Variants in PEX7 observed in about 807,000 individuals in gnomAD.
PEX7 encodes peroxisomal biogenesis factor 7, also known as PTS2 receptor.
A neutral mutation model predicts 47.5 loss-of-function variants in PEX7; 34 were observed. The observed-to-expected ratio is 0.72, with a 90% CI of 0.54 to 0.95. The LOEUF (loss-of-function observed/expected upper bound fraction) is 0.95. Ranked by LOEUF, PEX7 falls within the 40% of genes least tolerant of loss-of-function variation. The pLI, the probability that PEX7 is intolerant of heterozygous loss-of-function variation, is 0.00. For synonymous variants in PEX7, 141 were observed against 148.8 expected (o/e 0.95, Z 0.38); for missense variants, 394 against 400.3 (o/e 0.98, Z 0.13).
rs1362218138 is a variant in PEX7 at position 136,872,184 on chromosome 6, T to A, written c.748-14T>A. On this transcript the variant is annotated splice_polypyrimidine_tract_variant and intron_variant, in intron 7 of 9. Transcript: ENST00000318471. ...ACTTCAAAAAGGGTTTTTTTTTTCT[T>A]TTTTTTTTTGTAGTTTTCACCATTT... The A allele has an allele frequency of 1.3e-6, 2 of 1,570,000 alleles. No homozygotes were observed. Among genetic ancestry groups the A allele is most frequent in the Non-Finnish European group, 8.7e-7 (1 of 1,152,138 alleles).
intron 5 of PEX7, chr6:136,855,641 A>G (rs1774848335): frequency 3.7e-6 from 1 of 273,552 alleles, no homozygotes; most frequent in South Asian, 3.6e-5. Flanking sequence ...TGCCCGGCCT[A>G]TTTAAGGTTC....
intron 2 of PEX7, 24 bp from the exon 3 acceptor site, chr6:136,826,292 TTTG>T (rs1562725896): frequency 1.2e-6 from 2 of 1,613,154 alleles, no homozygotes; most frequent in South Asian, 2.2e-5. Context: ...GTTGTATTTT[TTTG>T]TTGTTTGTTT....
rs796283667 is a variant in PEX7 at position 136,874,163 on chromosome 6, C to G, written c.803+1910C>G. Among the ~76,000 whole-genome samples, 10 of 152,314 alleles carry G rather than the reference C, an allele frequency of 6.6e-5. 1 individual carries two copies. The highest frequency in any genetic ancestry group is 1.9e-4 in the African/African-American group (8 of 41,576). ...GAAATTTTCCTTTGTTTCCAAAGCT[C>G]TGGAACAACTTGTACAGCATTGAGG... is the stretch of plus-strand genomic sequence containing the variant. On this transcript the variant is annotated intron_variant, in intron 8 of 9. Coordinates refer to ENST00000318471, the MANE Select transcript of PEX7 (RefSeq NM_000288.4).
rs144064349 is a variant in PEX7 at position 136,874,879 on chromosome 6, C to T, written c.803+2626C>T. Among the ~76,000 whole-genome samples the T allele has an allele frequency of 2.0e-3, 301 of 152,200 alleles. 3 individuals carry two copies. The highest frequency in any genetic ancestry group is 6.5e-3 in the African/African-American group (269 of 41,520). On this transcript the variant is annotated intron_variant, in intron 8 of 9. Coordinates refer to ENST00000318471, the MANE Select transcript of PEX7 (RefSeq NM_000288.4). The stretch of plus-strand genomic sequence containing the variant: ...TTTCAGCTGGGTGCAGTAGCTCATG[C>T]GTGTAATCCCAGCACTTTGGGAGGC...
At chr6:136,837,307 C>A (rs555321435) in intron 3 of PEX7, among the ~76,000 whole-genome samples, 94 of 128,476 alleles carry the variant, frequency 7.3e-4, no homozygotes, top group Admixed American at 1.3e-3. Context: ...GCTTGCAGTG[C>A]GCCAAGATCG....
chr6:136,891,673 G>A (rs1337613718), intron 8 of PEX7, among the ~76,000 whole-genome samples: 1 of 145,050 alleles, frequency 6.9e-6, no homozygotes, highest in Non-Finnish European at 1.5e-5. Context: ...TTTTGAGACA[G>A]AGTCTCACTC....
chr6:136,872,405 T>A, intron 8 of PEX7, 152 bp downstream of exon 8: 1 of 654,434 alleles, frequency 1.5e-6, no homozygotes, highest in Non-Finnish European at 2.6e-6. Context: ...ATATTATATT[T>A]TTCCTGTTTT....
chr6:136,898,331 GC>G (rs1340959759), intron 9 of PEX7, 90 bp downstream of exon 9: 1 of 831,726 alleles, frequency 1.2e-6, no homozygotes, highest in Non-Finnish European at 2.1e-6. Flanking sequence ...TAAAATTGTT[GC>G]CATTTTAGCT....
intron 6 of PEX7, among the ~76,000 whole-genome samples, chr6:136,867,183 CTG>C (rs1285990516): frequency 2.6e-5 from 4 of 152,144 alleles, no homozygotes; most frequent in South Asian, 2.1e-4. Context: ...TTTCATGCCT[CTG>C]TAAGATAAGT....
At chr6:136,849,698 T>A (rs1270416306) in intron 5 of PEX7, among the ~76,000 whole-genome samples, 1 of 152,214 alleles carries the variant, frequency 6.6e-6, no homozygotes, top group East Asian at 1.9e-4. Context: ...TCTAGTTTGA[T>A]TGCACTGTGG....
chr6:136,858,581 T>TA (rs2115197448), intron 5 of PEX7, among the ~76,000 whole-genome samples: 1 of 152,324 alleles, frequency 6.6e-6, no homozygotes, highest in South Asian at 2.1e-4. Flanking sequence ...CCCTGGGAGA[T>TA]ACATTTTTAA....
intron 3 of PEX7, among the ~76,000 whole-genome samples, chr6:136,836,937 G>A (rs1319664038): frequency 1.3e-5 from 2 of 152,084 alleles, no homozygotes; most frequent in Non-Finnish European, 2.9e-5. Flanking sequence ...GGGCAACAGA[G>A]TGAGACTCTT....
At chr6:136,857,967 G>T (rs982410105) in intron 5 of PEX7, among the ~76,000 whole-genome samples, 4 of 151,918 alleles carry the variant, frequency 2.6e-5, no homozygotes, top group Non-Finnish European at 1.5e-5. Flanking sequence ...ACAGGTGTGC[G>T]CCACCACCCA....
intron 5 of PEX7, among the ~76,000 whole-genome samples, chr6:136,857,877 A>C (rs1358407611): frequency 1.3e-5 from 2 of 152,134 alleles, no homozygotes; most frequent in East Asian, 3.9e-4. Context: ...GCTGGAATGC[A>C]GTGGTGCCAT....
chr6:136,892,188 T>C (rs868777358), intron 8 of PEX7, among the ~76,000 whole-genome samples: 5 of 152,214 alleles, frequency 3.3e-5, no homozygotes, highest in African/African-American at 1.2e-4. Flanking sequence ...TGGCTCATAA[T>C]TTCCTTAGGA....
chr6:136,838,836 C>A (rs1774442040), intron 3 of PEX7, among the ~76,000 whole-genome samples: 1 of 152,066 alleles, frequency 6.6e-6, no homozygotes, highest in Non-Finnish European at 1.5e-5. Flanking sequence ...TTATACTATT[C>A]TCTCTACTTT....
At chr6:136,829,697 A>C (rs1465279757) in intron 3 of PEX7, among the ~76,000 whole-genome samples, 1 of 152,208 alleles carries the variant, frequency 6.6e-6, no homozygotes, top group Non-Finnish European at 1.5e-5. Context: ...AACACTTTGG[A>C]AGGTCGAGGT....
At chr6:136,849,640 A>G (rs966797322) in intron 5 of PEX7, among the ~76,000 whole-genome samples, 1 of 152,162 alleles carries the variant, frequency 6.6e-6, no homozygotes, top group South Asian at 2.1e-4. Flanking sequence ...CGGGTTGTTC[A>G]GTGTCCATGT....
At position 136,826,323 on chromosome 6, in the gene PEX7, G is replaced by A. The variant is rs1229970963; in HGVS notation, c.193G>A (p.Asp65Asn). The A allele has an allele frequency of 1.1e-5, 18 of 1,613,682 alleles. No individual in the cohort carries two copies. The highest frequency in any genetic ancestry group is 1.1e-5 in the Non-Finnish European group (13 of 1,179,998). Residue 65 changes from aspartate to asparagine, a missense_variant, in exon 3 of 10, where the codon GAC becomes AAC. Transcript: ENST00000318471. ...EAGLRLFRSF[D>N]WNDGLFDVTW... is the part of the protein sequence containing the mutation. ...GTTTGTTTTTTCCTAGTGTAGCTTT[G>A]ACTGGAATGATGGTTTGTTTGATGT...
Sources: gnomAD v4.1 joint callset for allele counts (sites outside exome capture counted in the v4.1 genomes callset) on GRCh38, gnomAD v4.1.1 for gene constraint, MANE v1.5 for transcripts, NCBI Gene and HGNC (gene_info 2026-07-23, HGNC 2026-07-21) for gene names.